SLMAP: variants seen among roughly 807,000 people sequenced by gnomAD.
The protein encoded by SLMAP is sarcolemmal membrane-associated protein.
A neutral mutation model predicts 128.8 loss-of-function variants in SLMAP; 44 were observed. The ratio of observed to expected loss-of-function variants is 0.34; its 90% CI spans 0.27 to 0.44. The LOEUF (loss-of-function observed/expected upper bound fraction) is 0.44. Among genes scored for constraint, SLMAP ranks in the 20% least tolerant of loss-of-function variants. SLMAP has a pLI of 1.00. For synonymous variants in SLMAP, 327 were observed against 348.8 expected (o/e 0.94, Z 0.70); for missense variants, 787 against 985.3 (o/e 0.80, Z 2.69).
chr3:57,860,432 G>A (rs1179033257), intron 8 of SLMAP, among the ~76,000 whole-genome samples: 3 of 151,976 alleles, frequency 2.0e-5, no homozygotes, highest in Non-Finnish European at 2.9e-5. Flanking sequence ...AAATATAAAA[G>A]TAACTAATTT....
chr3:57,906,308 TTC>T lies in SLMAP; in HGVS notation c.1502-1574_1502-1573del, dbSNP rs1317216235. 3.0e-3 allele frequency among the ~76,000 whole-genome samples: 289 copies of T among 97,704 alleles called. 4 individuals carry two copies. Among genetic ancestry groups the T allele is most frequent in the Non-Finnish European group, 4.6e-3 (208 of 44,822 alleles). 64.1% of individuals were successfully genotyped at this position (97,704 alleles called of 152,430 possible). ...CAGAATCAAATTTTTTTCTTTTTTT[TTC>T]TTTTTTTTTTTTTTTTTTTTTTAGA... On this transcript the variant is annotated intron_variant, in intron 17 of 24. Coordinates refer to ENST00000671191, the MANE Select transcript of SLMAP (RefSeq NM_001377540.1).
intron 2 of SLMAP, among the ~76,000 whole-genome samples, chr3:57,819,847 G>T (rs1165907060): frequency 6.6e-6 from 1 of 152,078 alleles, no homozygotes; most frequent in Non-Finnish European, 1.5e-5. Flanking sequence ...CAAACTCCTG[G>T]GCTCAAGTGA....
intron 13 of SLMAP, among the ~76,000 whole-genome samples, chr3:57,868,905 ATG>A (rs1385857072): frequency 2.9e-5 from 4 of 137,816 alleles, no homozygotes; most frequent in East Asian, 4.0e-4. Flanking sequence ...TATATTATAT[ATG>A]TGTGTATTAT....
intron 17 of SLMAP, among the ~76,000 whole-genome samples, chr3:57,905,222 A>G (rs1467227180): frequency 6.6e-6 from 1 of 152,074 alleles, no homozygotes; most frequent in Non-Finnish European, 1.5e-5. Flanking sequence ...ATTTCTATAT[A>G]TTTCTCTATA....
intron 14 of SLMAP, among the ~76,000 whole-genome samples, chr3:57,876,850 A>C (rs991770913): frequency 2.6e-5 from 4 of 152,180 alleles, no homozygotes; most frequent in Non-Finnish European, 5.9e-5. Context: ...CCTTCTCTGG[A>C]CTGCTGCCTG....
At chr3:57,886,782 A>G (rs2153643296) in intron 14 of SLMAP, among the ~76,000 whole-genome samples, 1 of 152,244 alleles carries the variant, frequency 6.6e-6, no homozygotes, top group African/African-American at 2.4e-5. Flanking sequence ...TGCACCGAGT[A>G]CTTAGCACAA....
At chr3:57,780,313 AT>A (rs1297956779) in intron 2 of SLMAP, among the ~76,000 whole-genome samples, 3 of 152,010 alleles carry the variant, frequency 2.0e-5, no homozygotes, top group Admixed American at 2.0e-4. Context: ...CACCCAGCTA[AT>A]TTTTGTGTTT....
intron 2 of SLMAP, among the ~76,000 whole-genome samples, chr3:57,799,365 T>G (rs73073965): frequency 0.022 from 3,407 of 152,296 alleles, 76 homozygotes; most frequent in South Asian, 0.052. Context: ...CCTTAGGGAC[T>G]GGATTTTATT....
At chr3:57,919,339 C>G (rs1334691019) in intron 22 of SLMAP, among the ~76,000 whole-genome samples, 1 of 151,370 alleles carries the variant, frequency 6.6e-6, no homozygotes, top group Non-Finnish European at 1.5e-5. Context: ...TGAGATCAGG[C>G]CATTGCACTC....
chr3:57,777,890 A>C (rs1355911823), intron 2 of SLMAP, among the ~76,000 whole-genome samples: 1 of 152,122 alleles, frequency 6.6e-6, no homozygotes, highest in African/African-American at 2.4e-5. Context: ...AGCAGTAGCA[A>C]CTCTCATACT....
At chr3:57,851,698 T>C (rs988745242) in intron 6 of SLMAP, among the ~76,000 whole-genome samples, 1 of 152,034 alleles carries the variant, frequency 6.6e-6, no homozygotes, top group Non-Finnish European at 1.5e-5. Flanking sequence ...TTGGCCAGGC[T>C]GGCCTTAAAC....
intron 17 of SLMAP, chr3:57,898,090 TA>T (rs1170973765): frequency 6.6e-5 from 10 of 152,356 alleles, no homozygotes; most frequent in African/African-American, 2.4e-4. Context: ...CTGGCTGGAC[TA>T]ATAGGGAATC....
chr3:57,776,631 A>G (rs986459255), intron 2 of SLMAP, among the ~76,000 whole-genome samples: 1 of 146,618 alleles, frequency 6.8e-6, no homozygotes, highest in Non-Finnish European at 1.5e-5. Context: ...GGTTCAAGTG[A>G]TTCTCCAGCC....
intron 14 of SLMAP, among the ~76,000 whole-genome samples, chr3:57,888,556 G>T (rs1200863919): frequency 2.6e-5 from 4 of 151,912 alleles, no homozygotes; most frequent in Admixed American, 6.6e-5. Context: ...GGCAGAGGTT[G>T]CAGTGAGCTG....
chr3:57,758,219 G>A lies in SLMAP; in HGVS notation c.198+370G>A. ...GCAGCAGTTCTCGAAGCAATTCGGG[G>A]AATCCGTGGCCATTATTATCCCGGG... On this transcript the variant is annotated intron_variant, in intron 2 of 24. Coordinates refer to ENST00000671191, the MANE Select transcript of SLMAP (RefSeq NM_001377540.1). Among the ~76,000 whole-genome samples, 2 of 152,170 alleles carry A rather than the reference G, an allele frequency of 1.3e-5. 1 individual carries two copies. The highest frequency in any genetic ancestry group is 2.9e-5 in the Non-Finnish European group (2 of 68,026).
At chr3:57,785,027 T>TTA (rs574919442) in intron 2 of SLMAP, among the ~76,000 whole-genome samples, 50 of 151,716 alleles carry the variant, frequency 3.3e-4, no homozygotes, top group South Asian at 1.0e-3. Flanking sequence ...TAGATAGATT[T>TTA]TATATATATA....
chr3:57,762,292 C>T (rs1267787459), intron 2 of SLMAP, among the ~76,000 whole-genome samples: 4 of 151,860 alleles, frequency 2.6e-5, no homozygotes, highest in Admixed American at 2.6e-4. Flanking sequence ...TTGCTTGAAC[C>T]CGGGAGGCGG....
Position 57,819,790 on chromosome 3 carries a change from T to G in SLMAP, c.199-11593T>G, listed in dbSNP as rs75395890. On this transcript the variant is annotated intron_variant, in intron 2 of 24. Coordinates refer to ENST00000671191, the MANE Select transcript of SLMAP (RefSeq NM_001377540.1). Reference sequence around the variant, plus strand: ...TTTGTTTTGAGACAGGGTCTCACTCTGTCATAAGCCTGGGGTGCAGTGGTG... The same window carrying G: ...TTTGTTTTGAGACAGGGTCTCACTCGGTCATAAGCCTGGGGTGCAGTGGTG... Among the ~76,000 whole-genome samples the G allele has an allele frequency of 3.4e-3, 525 of 152,294 alleles. 2 individuals are homozygous for G. Among genetic ancestry groups the G allele is most frequent in the African/African-American group, 0.011 (470 of 41,574 alleles).
chr3:57,873,162 T>A (rs2095523220), intron 14 of SLMAP, among the ~76,000 whole-genome samples: 1 of 152,262 alleles, frequency 6.6e-6, no homozygotes. Context: ...TGAGTATTAC[T>A]TAGAGACAAT....
Sources: gnomAD v4.1 joint callset for allele counts (sites outside exome capture counted in the v4.1 genomes callset) on GRCh38, gnomAD v4.1.1 for gene constraint, MANE v1.5 for transcripts, NCBI Gene and HGNC (gene_info 2026-07-23, HGNC 2026-07-21) for gene names.